RAI14: variants seen among roughly 807,000 people sequenced by gnomAD.
The protein encoded by RAI14 is ankycorbin.
In RAI14, 45 loss-of-function variants were observed where a neutral mutation model predicts 115.4. The observed-to-expected ratio is 0.39, with a 90% CI of 0.31 to 0.50. The LOEUF (loss-of-function observed/expected upper bound fraction) is 0.50. Among genes scored for constraint, RAI14 ranks in the 20% least tolerant of loss-of-function variants. The pLI, the probability that RAI14 is intolerant of heterozygous loss-of-function variation, is 0.85. For missense variants in RAI14, 939 were observed against 1,131.2 expected, an observed-to-expected ratio of 0.83 and a Z score of 2.44; for synonymous variants, 371 against 415.4, an observed-to-expected ratio of 0.89 and a Z score of 1.30.
At chr5:34,708,959 A>C (rs1446469898) in intron 2 of RAI14, among the ~76,000 whole-genome samples, 1 of 150,348 alleles carries the variant, frequency 6.7e-6, no homozygotes, top group Non-Finnish European at 1.5e-5. Context: ...TCTGGGCAAC[A>C]TAGCAAGACC....
intron 5 of RAI14, among the ~76,000 whole-genome samples, chr5:34,805,277 T>C (rs1314576893): frequency 2.0e-5 from 3 of 152,172 alleles, no homozygotes; most frequent in African/African-American, 7.2e-5. Flanking sequence ...CCTGTTGGGC[T>C]GTTTTCCCAG....
intron 3 of RAI14, among the ~76,000 whole-genome samples, chr5:34,767,162 T>C (rs533787034): frequency 5.8e-4 from 88 of 152,338 alleles, no homozygotes; most frequent in African/African-American, 2.1e-3. Flanking sequence ...ACAGCATTTT[T>C]CATTTTAGAG....
At position 34,757,549 on chromosome 5, in the gene RAI14, G is replaced by A. The variant is rs202167881; in HGVS notation, c.118G>A (p.Gly40Ser). The change falls in exon 3 of 18, where the codon GGC becomes AGC. Residue 40 changes from glycine to serine, a missense_variant. Physicochemically the swap from Gly to Ser is moderately conservative, Grantham distance 56. Transcript: ENST00000265109. ...GDAEKVASLL[G>S]KKGASATKHD... is the part of the protein sequence containing the mutation. Reference sequence around the variant, plus strand: ...TGCGGAGAAGGTGGCCTCACTGCTCGGCAAGAAGGGGGCCAGTGCCACCAA... The same window carrying A: ...TGCGGAGAAGGTGGCCTCACTGCTCAGCAAGAAGGGGGCCAGTGCCACCAA... The A allele has an allele frequency of 1.9e-4, 312 of 1,613,900 alleles. 2 individuals carry two copies. In the South Asian group the frequency reaches 3.1e-3, roughly 16 times the overall value.
In RAI14 at chr5:34,831,000, G is replaced by A. The variant is rs1757981726; in HGVS notation, c.*235G>A. On this transcript the variant is annotated 3_prime_UTR_variant, in exon 18 of 18. Transcript: ENST00000265109. ...GTCCCTGTCATCCCTTCAGATTCCA[G>A]AGCTGGGATCAGCCATGCCCAGAGG... is the stretch of plus-strand genomic sequence containing the variant. 1 of 715,220 alleles carries A rather than the reference G, an allele frequency of 1.4e-6. No homozygotes were observed. The highest frequency in any genetic ancestry group is 2.0e-6 in the Non-Finnish European group (1 of 488,222). 44.3% of individuals were successfully genotyped at this position (715,220 alleles called of 1,614,324 possible). A position where few individuals can be genotyped will look rare whatever the true frequency, so the allele number is the denominator to read the frequency against.
At chr5:34,738,992 C>T (rs944931602) in intron 2 of RAI14, among the ~76,000 whole-genome samples, 3 of 152,056 alleles carry the variant, frequency 2.0e-5, no homozygotes, top group Admixed American at 6.5e-5. Flanking sequence ...ATACAGCCTG[C>T]GGTATATCTC....
At chr5:34,818,346 A>G (rs1756485372) in intron 12 of RAI14, among the ~76,000 whole-genome samples, 1 of 152,242 alleles carries the variant, frequency 6.6e-6, no homozygotes, top group Non-Finnish European at 1.5e-5. Flanking sequence ...ATAGCAGATA[A>G]CTTATAAAAT....
chr5:34,821,944 T>C (rs1561083844), intron 14 of RAI14, 94 bp downstream of exon 14: 8 of 631,588 alleles, frequency 1.3e-5, no homozygotes, highest in Non-Finnish European at 2.2e-5. Context: ...ATGTGTACAT[T>C]AGTTTCTTTT....
intron 12 of RAI14, among the ~76,000 whole-genome samples, chr5:34,817,467 T>C (rs1756394540): frequency 6.6e-6 from 1 of 152,040 alleles, no homozygotes. Flanking sequence ...AAACCTAATA[T>C]ATGATCCAGC....
At position 34,811,790 on chromosome 5, in the gene RAI14, A is replaced by G. The variant is rs567965381; in HGVS notation, c.581A>G (p.Glu194Gly). 1 of 1,613,062 alleles carries G rather than the reference A, an allele frequency of 6.2e-7. No homozygotes were observed. Among genetic ancestry groups the G allele is most frequent in the African/African-American group, 1.3e-5 (1 of 74,924 alleles). Residue 194 changes from glutamate (E) to glycine (G), a missense_variant, in exon 9 of 18, where the codon GAG becomes GGG. Coordinates refer to ENST00000265109, the MANE Select transcript of RAI14 (RefSeq NM_015577.3). The part of the protein sequence containing the change: ...SGRTALMLAC[E>G]IGSSNAVEAL... ...AGAACTGCTCTCATGCTGGCCTGTG[A>G]GATTGGCAGCTCTAACGCTGTGGAA...
At position 34,824,853 on chromosome 5, in the gene RAI14, A is replaced by AT. The variant is rs528103332; in HGVS notation, c.2649+362_2649+363insT. Among the ~76,000 whole-genome samples the AT allele has an allele frequency of 2.5e-4, 37 of 149,206 alleles. No homozygotes were observed. In the South Asian group the frequency reaches 8.0e-3, roughly 32 times the overall value. On this transcript the variant is annotated intron_variant, in intron 15 of 17. Coordinates refer to ENST00000265109, the MANE Select transcript of RAI14 (RefSeq NM_015577.3). ...CAGCTACAAGGGAGGCTGAGGCAGGAGAATGGCTTGAACCCAGGAGGTGGA... is the reference window on the plus strand; with the variant it reads ...CAGCTACAAGGGAGGCTGAGGCAGGATGAATGGCTTGAACCCAGGAGGTGGA...
chr5:34,698,194 CTCCCT>C (rs1219682518), intron 2 of RAI14, among the ~76,000 whole-genome samples: 1 of 9,690 alleles, frequency 1.0e-4, no homozygotes, highest in Non-Finnish European at 3.5e-4. Context: ...CTCCCTTCCC[CTCCCT>C]CTCTCCCTTC....
chr5:34,752,633 T>C (rs1747187139), intron 2 of RAI14, among the ~76,000 whole-genome samples: 1 of 151,340 alleles, frequency 6.6e-6, no homozygotes, highest in Non-Finnish European at 1.5e-5. Context: ...GACAGAGCAT[T>C]CTGAAGCAGT....
At chr5:34,738,600 C>G (rs1468825392) in intron 2 of RAI14, among the ~76,000 whole-genome samples, 2 of 152,196 alleles carry the variant, frequency 1.3e-5, no homozygotes, top group African/African-American at 4.8e-5. Flanking sequence ...TTGACATACC[C>G]TCACCATCAC....
intron 2 of RAI14, among the ~76,000 whole-genome samples, chr5:34,756,675 G>C (rs994487138): frequency 1.3e-5 from 2 of 152,112 alleles, no homozygotes; most frequent in African/African-American, 4.8e-5. Flanking sequence ...ACCTTCAGTG[G>C]CTCACTGCTG....
intron 2 of RAI14, among the ~76,000 whole-genome samples, chr5:34,752,502 GAT>G (rs1561311553): frequency 4.6e-5 from 7 of 151,864 alleles, no homozygotes; most frequent in Non-Finnish European, 8.8e-5. Context: ...TGAGCGAGTG[GAT>G]GGCCCCCAGG....
At chr5:34,808,360 G>T (rs2150248911) in intron 6 of RAI14, among the ~76,000 whole-genome samples, 1 of 152,374 alleles carries the variant, frequency 6.6e-6, no homozygotes, top group East Asian at 1.9e-4. Flanking sequence ...TTTGCCTAAA[G>T]GCAACTGGCA....
chr5:34,679,893 A>G (rs1250258717), intron 1 of RAI14, among the ~76,000 whole-genome samples: 1 of 151,712 alleles, frequency 6.6e-6, no homozygotes, highest in Non-Finnish European at 1.5e-5. Flanking sequence ...CACCCTCCTC[A>G]GTACACCTGG....
chr5:34,774,239 A>G (rs13188691), intron 3 of RAI14, among the ~76,000 whole-genome samples: 33,737 of 151,686 alleles, frequency 0.22, 5,029 homozygotes, highest in Non-Finnish European at 0.31. Flanking sequence ...CATAGCAGGC[A>G]CTGTGCCTGT....
intron 15 of RAI14, chr5:34,825,943 T>C (rs1197320231): frequency 1.3e-5 from 2 of 154,722 alleles, no homozygotes; most frequent in African/African-American, 4.8e-5. Context: ...TGATCACCCA[T>C]GTCAGCAGTA....
Sources: gnomAD v4.1 joint callset for allele counts (sites outside exome capture counted in the v4.1 genomes callset) on GRCh38, gnomAD v4.1.1 for gene constraint, MANE v1.5 for transcripts, NCBI Gene and HGNC (gene_info 2026-07-23, HGNC 2026-07-21) for gene names.